KCND2: variants seen among roughly 807,000 people sequenced by gnomAD.
The protein encoded by KCND2 is A-type voltage-gated potassium channel KCND2.
KCND2 carries 16 observed loss-of-function variants against 54.4 expected under a neutral mutation model. The observed-to-expected ratio is 0.29, with a 90% CI of 0.20 to 0.45. The LOEUF is 0.45. Among genes scored for constraint, KCND2 ranks in the 20% least tolerant of loss-of-function variants. The pLI, the probability that KCND2 is intolerant of heterozygous loss-of-function variation, is 1.00. For missense variants in KCND2, 486 were observed against 824.2 expected (o/e 0.59, Z 5.02); for synonymous variants, 317 against 310.7 (o/e 1.02, Z -0.21).
intron 1 of KCND2, among the ~76,000 whole-genome samples, chr7:120,595,591 G>GTATGTA (rs1554373401): frequency 1.5e-5 from 2 of 131,898 alleles, no homozygotes; most frequent in Non-Finnish European, 3.2e-5. Context: ...GTGTGTGTGT[G>GTATGTA]TATATATATA....
chr7:120,356,019 A>T (rs1409241089), intron 1 of KCND2, among the ~76,000 whole-genome samples: 1 of 152,168 alleles, frequency 6.6e-6, no homozygotes, highest in Non-Finnish European at 1.5e-5. Context: ...GAGCATTTAA[A>T]GTGTTATAGT....
intron 1 of KCND2, among the ~76,000 whole-genome samples, chr7:120,450,418 A>G (rs1172722390): frequency 6.6e-6 from 1 of 152,114 alleles, no homozygotes; most frequent in Non-Finnish European, 1.5e-5. Context: ...AAAAAAGAAA[A>G]AAATTACTGG....
chr7:120,338,293 C>T (rs1407259102), intron 1 of KCND2, among the ~76,000 whole-genome samples: 1 of 152,098 alleles, frequency 6.6e-6, no homozygotes, highest in East Asian at 1.9e-4. Context: ...TCTTACTTCT[C>T]ACTAGATAAT....
intron 1 of KCND2, among the ~76,000 whole-genome samples, chr7:120,377,563 G>GA (rs34883321): frequency 0.1 from 15,365 of 150,098 alleles, 816 homozygotes; most frequent in Admixed American, 0.13. Context: ...CTCACCCCAA[G>GA]AAAAAAAAAA....
chr7:120,440,232 G>A (rs1015481125), intron 1 of KCND2, among the ~76,000 whole-genome samples: 17 of 151,794 alleles, frequency 1.1e-4, no homozygotes, highest in Admixed American at 7.2e-4. Flanking sequence ...CTTGACTTGC[G>A]TTTCTCTGAA....
chr7:120,342,360 C>A (rs1359801705), intron 1 of KCND2, among the ~76,000 whole-genome samples: 1 of 152,126 alleles, frequency 6.6e-6, no homozygotes, highest in Non-Finnish European at 1.5e-5. Context: ...TTCTCTCTCA[C>A]AAAGGAGAGA....
intron 1 of KCND2, among the ~76,000 whole-genome samples, chr7:120,426,048 T>A (rs943129089): frequency 2.0e-5 from 3 of 152,100 alleles, no homozygotes; most frequent in African/African-American, 7.2e-5. Flanking sequence ...TTATCCTAGG[T>A]GTATCAATAA....
chr7:120,650,494 A>G (rs1393783775), intron 1 of KCND2, among the ~76,000 whole-genome samples: 1 of 142,266 alleles, frequency 7.0e-6, no homozygotes, highest in East Asian at 1.9e-4. Context: ...CTCTACACTG[A>G]TTATTCTAGT....
intron 1 of KCND2, among the ~76,000 whole-genome samples, chr7:120,470,183 C>T (rs1477661158): frequency 1.3e-5 from 2 of 152,086 alleles, no homozygotes; most frequent in Admixed American, 6.6e-5. Context: ...AAGACACACT[C>T]AGTAACAAAT....
chr7:120,512,664 T>A (rs1584808369), intron 1 of KCND2, among the ~76,000 whole-genome samples: 2 of 152,242 alleles, frequency 1.3e-5, no homozygotes, highest in East Asian at 3.9e-4. Flanking sequence ...TATTTGTAGA[T>A]GATACTTGCA....
intron 1 of KCND2, among the ~76,000 whole-genome samples, chr7:120,680,231 C>G (rs1043958240): frequency 3.9e-5 from 6 of 152,214 alleles, no homozygotes; most frequent in African/African-American, 1.4e-4. Context: ...CCTCTTTGCT[C>G]TCTGGCTGGG....
At chr7:120,522,965 A>G (rs1414461931) in intron 1 of KCND2, among the ~76,000 whole-genome samples, 1 of 152,088 alleles carries the variant, frequency 6.6e-6, no homozygotes, top group Non-Finnish European at 1.5e-5. Flanking sequence ...CCTATTCTCA[A>G]TTTGTAGTAT....
intron 1 of KCND2, among the ~76,000 whole-genome samples, chr7:120,662,075 C>T (rs981244614): frequency 3.3e-5 from 5 of 152,130 alleles, no homozygotes; most frequent in African/African-American, 1.2e-4. Context: ...CTTATGAGGG[C>T]ACCCATGTCA....
At chr7:120,423,213 C>T (rs1175252369) in intron 1 of KCND2, among the ~76,000 whole-genome samples, 1 of 152,186 alleles carries the variant, frequency 6.6e-6, no homozygotes, top group Non-Finnish European at 1.5e-5. Context: ...TTTCCTAAAC[C>T]AGAAGGGCAT....
intron 1 of KCND2, among the ~76,000 whole-genome samples, chr7:120,449,377 A>G (rs558645510): frequency 6.6e-6 from 1 of 152,082 alleles, no homozygotes. Context: ...TCATCTTCAG[A>G]TAACCCCATA....
intron 1 of KCND2, among the ~76,000 whole-genome samples, chr7:120,531,421 T>C (rs1166026291): frequency 2.0e-5 from 3 of 152,134 alleles, no homozygotes; most frequent in Non-Finnish European, 4.4e-5. Flanking sequence ...ATCTGTTCCA[T>C]GCACTTAAAG....
intron 1 of KCND2, among the ~76,000 whole-genome samples, chr7:120,503,972 G>A (rs577331094): frequency 2.6e-5 from 4 of 151,830 alleles, no homozygotes; most frequent in Admixed American, 2.0e-4. Context: ...TTCTTGTATC[G>A]TTCTAAAACA....
intron 1 of KCND2, among the ~76,000 whole-genome samples, chr7:120,579,429 C>G (rs1473586103): frequency 6.6e-6 from 1 of 151,522 alleles, no homozygotes; most frequent in African/African-American, 2.4e-5. Flanking sequence ...ATGGTGAAAC[C>G]CACCTCTACT....
rs540637153 is a variant in KCND2, at chr7:120,601,563, T to G, written c.1116-131340T>G. Among the ~76,000 whole-genome samples the G allele has an allele frequency of 2.0e-5, 3 of 152,256 alleles. No homozygotes were observed. In the East Asian group the frequency reaches 5.8e-4, roughly 29 times the overall value. ...AAAACTGGCCATTGTTTATAAGAGTTAATCGCTGGACAGCAAATCAAGATT... is the reference window on the plus strand; with the variant it reads ...AAAACTGGCCATTGTTTATAAGAGTGAATCGCTGGACAGCAAATCAAGATT... On this transcript the variant is annotated intron_variant, in intron 1 of 5. Coordinates refer to ENST00000331113, the MANE Select transcript of KCND2 (RefSeq NM_012281.3).
Sources: gnomAD v4.1 joint callset for allele counts (sites outside exome capture counted in the v4.1 genomes callset) on GRCh38, gnomAD v4.1.1 for gene constraint, MANE v1.5 for transcripts, NCBI Gene and HGNC (gene_info 2026-07-23, HGNC 2026-07-21) for gene names.